The following SLC24A2 variants were observed in gnomAD, a reference collection of about 807,000 sequenced individuals.
SLC24A2 encodes the protein sodium/potassium/calcium exchanger 2.
In SLC24A2, 36 loss-of-function variants were observed where a neutral mutation model predicts 62.0. The observed-to-expected ratio is 0.58, with a 90% CI of 0.44 to 0.77. The LOEUF is 0.77. Among genes scored for constraint, SLC24A2 ranks in the 30% least tolerant of loss-of-function variants. The pLI, the probability that SLC24A2 is intolerant of heterozygous loss-of-function variation, is 0.00. For missense variants in SLC24A2, 846 were observed against 817.9 expected (o/e 1.03, Z -0.42); for synonymous variants, 358 against 294.0 (o/e 1.22, Z -2.23).
At chr9:19,787,204 G>T (rs901806894) in intron 1 of SLC24A2, among the ~76,000 whole-genome samples, 185 bp from the exon 2 acceptor site, 6 of 152,154 alleles carry the variant, frequency 3.9e-5, no homozygotes, top group Admixed American at 3.3e-4. Flanking sequence ...ACCCAGGATT[G>T]TTTTCAAGAT....
the SLC24A2 span, among the ~76,000 whole-genome samples, chr9:20,152,005 G>A: frequency 2.6e-5 from 4 of 151,902 alleles, no homozygotes; most frequent in Middle Eastern, 3.4e-3. Flanking sequence ...AAAGGTAAGC[G>A]ACTGAACCAG....
chr9:20,261,114 C>G, the SLC24A2 span, among the ~76,000 whole-genome samples: 1 of 151,964 alleles, frequency 6.6e-6, no homozygotes, highest in African/African-American at 2.4e-5. Flanking sequence ...TCAGCCCGGG[C>G]AGTAAAGTGC....
chr9:19,627,910 A>G (rs1319885199), intron 2 of SLC24A2, among the ~76,000 whole-genome samples: 4 of 152,226 alleles, frequency 2.6e-5, no homozygotes, highest in East Asian at 1.9e-4. Flanking sequence ...TTTAAAAAAG[A>G]TAACAAATAG....
chr9:19,998,086 G>C, the SLC24A2 span, among the ~76,000 whole-genome samples: 1 of 152,148 alleles, frequency 6.6e-6, no homozygotes, highest in East Asian at 1.9e-4. Flanking sequence ...CACTTACTCT[G>C]TGCCGGAAGC....
chr9:19,591,996 G>T (rs1441946266), intron 5 of SLC24A2, among the ~76,000 whole-genome samples: 5 of 152,292 alleles, frequency 3.3e-5, no homozygotes, highest in African/African-American at 9.6e-5. Context: ...TATATCCTGG[G>T]CAATGAAAAA....
intron 10 of SLC24A2, among the ~76,000 whole-genome samples, chr9:19,518,748 G>A (rs1308995880): frequency 6.6e-6 from 1 of 152,030 alleles, no homozygotes. Flanking sequence ...AAATCTGTGA[G>A]TATATGTTAA....
the SLC24A2 span, among the ~76,000 whole-genome samples, chr9:19,810,889 T>C: frequency 6.6e-6 from 1 of 152,212 alleles, no homozygotes; most frequent in African/African-American, 2.4e-5. Flanking sequence ...TAATCACATT[T>C]TTATTCTTTA....
the SLC24A2 span, among the ~76,000 whole-genome samples, chr9:19,980,143 AAG>A: frequency 6.6e-6 from 1 of 152,212 alleles, no homozygotes; most frequent in African/African-American, 2.4e-5. Context: ...GAAGGATGGG[AAG>A]AGTTACATGG....
At chr9:19,662,365 A>G (rs148952695) in intron 2 of SLC24A2, among the ~76,000 whole-genome samples, 66 of 152,306 alleles carry the variant, frequency 4.3e-4, no homozygotes, top group Non-Finnish European at 8.8e-4. Flanking sequence ...CTGAGTAGCC[A>G]TGTGTATTGG....
intron 2 of SLC24A2, among the ~76,000 whole-genome samples, chr9:19,725,537 A>G (rs1182650): frequency 0.55 from 83,793 of 151,956 alleles, 23,291 homozygotes; most frequent in East Asian, 0.8. Flanking sequence ...ATAATAAGCT[A>G]TTTTCCTAGG....
At chr9:20,214,119 G>A in the SLC24A2 span, among the ~76,000 whole-genome samples, 1 of 152,176 alleles carries the variant, frequency 6.6e-6, no homozygotes, top group Non-Finnish European at 1.5e-5. Context: ...GAACATTTAA[G>A]GTGTTTCCAC....
At chr9:20,097,773 T>A in the SLC24A2 span, among the ~76,000 whole-genome samples, 1 of 131,276 alleles carries the variant, frequency 7.6e-6, no homozygotes, top group Non-Finnish European at 1.6e-5. Flanking sequence ...GACGGAGTCT[T>A]GCTCTGTCAC....
At chr9:19,751,639 G>A (rs1231066702) in intron 2 of SLC24A2, among the ~76,000 whole-genome samples, 1 of 152,208 alleles carries the variant, frequency 6.6e-6, no homozygotes, top group Non-Finnish European at 1.5e-5. Flanking sequence ...GACATGGGGA[G>A]TAGAGAGTTC....
the SLC24A2 span, among the ~76,000 whole-genome samples, chr9:20,010,782 C>G: frequency 4.8e-4 from 64 of 134,280 alleles, no homozygotes; most frequent in African/African-American, 1.7e-3. Flanking sequence ...ATGACAGGCC[C>G]TGGTGTGTGA....
chr9:20,164,901 G>A, the SLC24A2 span, among the ~76,000 whole-genome samples: 2 of 147,640 alleles, frequency 1.4e-5, no homozygotes, highest in African/African-American at 2.5e-5. Flanking sequence ...ACGAAACACC[G>A]CATATTCTCA....
At chr9:19,604,552 C>T (rs1192345902) in intron 4 of SLC24A2, among the ~76,000 whole-genome samples, 4 of 151,994 alleles carry the variant, frequency 2.6e-5, no homozygotes, top group Admixed American at 6.6e-5. Flanking sequence ...TCAGCAAAGC[C>T]GAGTTTCTAC....
the SLC24A2 span, among the ~76,000 whole-genome samples, chr9:19,977,512 G>A: frequency 6.6e-6 from 1 of 152,084 alleles, no homozygotes; most frequent in Non-Finnish European, 1.5e-5. Flanking sequence ...GTCAGAAGGG[G>A]ATGATGAAGA....
chr9:20,087,425 T>C, the SLC24A2 span, among the ~76,000 whole-genome samples: 1 of 152,168 alleles, frequency 6.6e-6, no homozygotes, highest in Non-Finnish European at 1.5e-5. Flanking sequence ...CTGGGGCTCA[T>C]ATATCAGGCC....
At chr9:19,548,735 T>A (rs963870972) in intron 8 of SLC24A2, among the ~76,000 whole-genome samples, 1 of 152,196 alleles carries the variant, frequency 6.6e-6, no homozygotes. Context: ...CTCCTCCCTG[T>A]GCAGTCCCCC....
Sources: allele counts gnomAD v4.1 joint callset (sites outside exome capture counted in the v4.1 genomes callset), GRCh38; gene constraint gnomAD v4.1.1; transcripts MANE v1.5; gene names NCBI Gene and HGNC (gene_info 2026-07-23, HGNC 2026-07-21).